Variants in PIK3AP1 observed in about 807,000 individuals in gnomAD.
The protein encoded by PIK3AP1 is phosphoinositide 3-kinase adapter protein 1.
PIK3AP1 carries 21 observed loss-of-function variants against 88.1 expected under a neutral mutation model. The observed-to-expected ratio is 0.24, with a 90% CI of 0.17 to 0.34. The LOEUF (loss-of-function observed/expected upper bound fraction) is 0.34. Ranked by LOEUF, PIK3AP1 falls within the 10% of genes least tolerant of loss-of-function variation. PIK3AP1 has a pLI of 1.00. For missense variants in PIK3AP1, 828 were observed against 1,035.7 expected (o/e 0.80, Z 2.75); for synonymous variants, 398 against 400.0 (o/e 1.00, Z 0.06).
intron 2 of PIK3AP1, among the ~76,000 whole-genome samples, chr10:96,689,316 G>C (rs1300097863): frequency 2.6e-5 from 4 of 151,704 alleles, no homozygotes; most frequent in African/African-American, 9.7e-5. Context: ...TGTAATCCCA[G>C]TACTTTGGGA....
In PIK3AP1 at chr10:96,595,373, A is replaced by C. The variant is rs926490180; in HGVS notation, c.*204T>G. 1.7e-6 allele frequency: 1 copy of C among 588,712 alleles called. No homozygotes were observed. 36.5% of individuals were successfully genotyped at this position (588,712 alleles called of 1,614,324 possible). Reference sequence around the variant, plus strand: ...GGTTCGATATACTTGGTGATGGTGAATGAAGCCCTTAGTTTTTCACTTCTT... The same window carrying C: ...GGTTCGATATACTTGGTGATGGTGACTGAAGCCCTTAGTTTTTCACTTCTT... On this transcript the variant is annotated 3_prime_UTR_variant, in exon 17 of 17. Coordinates refer to ENST00000339364, the MANE Select transcript of PIK3AP1 (RefSeq NM_152309.3).
intron 1 of PIK3AP1, among the ~76,000 whole-genome samples, chr10:96,712,471 A>G (rs968339112): frequency 3.9e-5 from 6 of 152,204 alleles, no homozygotes; most frequent in African/African-American, 1.4e-4. Flanking sequence ...ATAAATAAAT[A>G]AATAAAAATC....
intron 2 of PIK3AP1, among the ~76,000 whole-genome samples, chr10:96,675,200 G>A: frequency 7.5e-6 from 1 of 133,638 alleles, no homozygotes; most frequent in Admixed American, 7.9e-5. Context: ...GCCATATAAG[G>A]ATTTTGTCAG....
At chr10:96,680,428 T>C (rs1038631766) in intron 2 of PIK3AP1, among the ~76,000 whole-genome samples, 3 of 152,158 alleles carry the variant, frequency 2.0e-5, no homozygotes, top group African/African-American at 7.2e-5. Context: ...TAGTATCCAA[T>C]AGTTATTTTT....
At chr10:96,692,148 T>G (rs1208778386) in intron 2 of PIK3AP1, among the ~76,000 whole-genome samples, 1 of 152,232 alleles carries the variant, frequency 6.6e-6, no homozygotes, top group African/African-American at 2.4e-5. Context: ...CCCATACAGA[T>G]GCTTTCCAAT....
chr10:96,644,514 A>ATTCCTATT (rs1843433811), intron 8 of PIK3AP1, among the ~76,000 whole-genome samples: 1 of 152,158 alleles, frequency 6.6e-6, no homozygotes, highest in Non-Finnish European at 1.5e-5. Flanking sequence ...TCAGTTAAAG[A>ATTCCTATT]TTCCTATTTT....
At chr10:96,686,120 C>T (rs1360206790) in intron 2 of PIK3AP1, among the ~76,000 whole-genome samples, 1 of 152,018 alleles carries the variant, frequency 6.6e-6, no homozygotes, top group Non-Finnish European at 1.5e-5. Flanking sequence ...GCATTTTTTT[C>T]CTTCACAATT....
Position 96,616,851 on chromosome 10 carries a change from G to T in PIK3AP1, c.1942-140C>A, listed in dbSNP as rs149457335. ...TTACAACATGCAAATGAGGCTCAGC[G>T]CATTCACAGTCAGCCCCCAGAGAAA... On this transcript the variant is annotated intron_variant, in intron 12 of 16. Coordinates refer to ENST00000339364, the MANE Select transcript of PIK3AP1 (RefSeq NM_152309.3). 2.1e-4 allele frequency: 164 copies of T among 768,356 alleles called. No homozygotes were observed. The East Asian group carries it at 4.0e-3, about 19-fold the overall frequency. The allele number at this position is 768,356 out of a possible 1,614,324, so 47.6% of individuals were successfully genotyped here. A position where few individuals can be genotyped will look rare whatever the true frequency, so the allele number is the denominator to read the frequency against.
intron 8 of PIK3AP1, among the ~76,000 whole-genome samples, chr10:96,635,174 CAT>C (rs573407273): frequency 9.7e-4 from 147 of 152,284 alleles, no homozygotes; most frequent in African/African-American, 3.4e-3. Context: ...ACCTAGCATA[CAT>C]ACAGATTCAG....
At chr10:96,664,166 T>A (rs900221003) in intron 2 of PIK3AP1, among the ~76,000 whole-genome samples, 11 of 152,210 alleles carry the variant, frequency 7.2e-5, no homozygotes, top group African/African-American at 2.7e-4. Flanking sequence ...AGGCTTTGCA[T>A]CAGTGAAAAA....
At chr10:96,715,430 G>C (rs115899840) in intron 1 of PIK3AP1, among the ~76,000 whole-genome samples, 113 of 152,282 alleles carry the variant, frequency 7.4e-4, no homozygotes, top group African/African-American at 2.6e-3. Flanking sequence ...TGAACTTTTA[G>C]TTATTAATAA....
Position 96,658,384 on chromosome 10 carries a change from C to T in PIK3AP1, c.431-1450G>A, listed in dbSNP as rs1431076638. ...GTTACGAAACAGCTGCTGATAGGCA[C>T]CCTGGAAAGCTGTAACCACAGGCTT... On this transcript the variant is annotated intron_variant, in intron 2 of 16. Coordinates refer to ENST00000339364, the MANE Select transcript of PIK3AP1 (RefSeq NM_152309.3). Among the ~76,000 whole-genome samples the T allele has an allele frequency of 3.9e-5, 6 of 152,238 alleles. No homozygotes were observed. The East Asian group carries it at 1.2e-3, about 29-fold the overall frequency.
In PIK3AP1 at chr10:96,651,434, G is replaced by A. The variant is rs138632640; in HGVS notation, c.856-54C>T. The A allele has an allele frequency of 6.5e-3, 10,567 of 1,613,928 alleles. 47 individuals carry two copies. Among genetic ancestry groups the A allele is most frequent in the Non-Finnish European group, 7.9e-3 (9,301 of 1,179,890 alleles). ...CTGAAATCCAGCTCTCTTCCATCCC[G>A]CAGATTCAAGACTGATAAGCCATGA... is the stretch of plus-strand genomic sequence containing the variant. On this transcript the variant is annotated intron_variant, in intron 5 of 16. Transcript: ENST00000339364.
intron 2 of PIK3AP1, among the ~76,000 whole-genome samples, chr10:96,664,923 A>G (rs1348032669): frequency 3.5e-5 from 5 of 143,024 alleles, no homozygotes; most frequent in African/African-American, 1.2e-4. Flanking sequence ...GGAAATGCCC[A>G]CTCAGACATA....
At chr10:96,630,123 C>T (rs1013862052) in intron 8 of PIK3AP1, among the ~76,000 whole-genome samples, 3 of 151,988 alleles carry the variant, frequency 2.0e-5, no homozygotes, top group Non-Finnish European at 4.4e-5. Flanking sequence ...TAAAGAAATG[C>T]AGTATTCTGA....
At chr10:96,634,934 G>T (rs771506453) in intron 8 of PIK3AP1, among the ~76,000 whole-genome samples, 2 of 152,030 alleles carry the variant, frequency 1.3e-5, no homozygotes, top group Admixed American at 1.3e-4. Flanking sequence ...GCACTAGGCC[G>T]TCTTCTGCCA....
chr10:96,707,317 G>A (rs1844377248), intron 2 of PIK3AP1, among the ~76,000 whole-genome samples: 1 of 152,160 alleles, frequency 6.6e-6, no homozygotes, highest in African/African-American at 2.4e-5. Context: ...TTTTGAGACG[G>A]AGTCTTGCTC....
intron 2 of PIK3AP1, among the ~76,000 whole-genome samples, chr10:96,668,033 A>G (rs1464258044): frequency 1.8e-4 from 27 of 152,238 alleles, no homozygotes; most frequent in Non-Finnish European, 7.3e-5. Context: ...CTTTTAAAAT[A>G]TACTTACTTA....
In PIK3AP1 at chr10:96,709,936, C is replaced by T. The variant is rs17112076; in HGVS notation, c.61G>A (p.Glu21Lys). The T allele has an allele frequency of 0.17, 272,759 of 1,605,486 alleles. 24,897 individuals are homozygous for T. The highest frequency in any genetic ancestry group is 0.27 in the East Asian group (12,223 of 44,632). ...DILIVYSPDA[E>K]EWCQYLQTLF... ...GTCTGCAGGTACTGGCACCATTCCTCGGCATCCGGGCTGTAGACGATGAGG... is the reference window on the plus strand; with the variant it reads ...GTCTGCAGGTACTGGCACCATTCCTTGGCATCCGGGCTGTAGACGATGAGG... The change falls in exon 2 of 17, where the codon GAG becomes AAG. Residue 21 changes from glutamate to lysine, a missense_variant. Glu to Lys is a moderately conservative substitution (Grantham distance 56). This residue lies in a region of PIK3AP1 where 610 missense variants were observed against 760.1 expected (regional missense o/e 0.80). Transcript: ENST00000339364.
Sources: allele counts gnomAD v4.1 joint callset (sites outside exome capture counted in the v4.1 genomes callset), GRCh38; gene constraint gnomAD v4.1.1; regional missense constraint gnomAD v4.1.1; transcripts MANE v1.5; gene names NCBI Gene and HGNC (gene_info 2026-07-23, HGNC 2026-07-21).